Variants in TMEM108 observed in about 807,000 individuals in gnomAD.
TMEM108 encodes cancer/testis antigen 124.
Under a neutral mutation model 35.1 loss-of-function variants are expected in TMEM108, and 12 were observed. The ratio of observed to expected loss-of-function variants is 0.34; its 90% CI spans 0.22 to 0.55. TMEM108 has a LOEUF of 0.55. TMEM108 is among the 20% of genes least tolerant of loss of function. TMEM108 has a pLI of 0.89. For synonymous variants in TMEM108, 287 were observed against 308.6 expected, an observed-to-expected ratio of 0.93 and a Z score of 0.73; for missense variants, 680 against 753.3, an observed-to-expected ratio of 0.90 and a Z score of 1.14.
At chr3:133,328,881 G>A (rs1187897760) in intron 3 of TMEM108, among the ~76,000 whole-genome samples, 2 of 152,134 alleles carry the variant, frequency 1.3e-5, no homozygotes, top group Non-Finnish European at 2.9e-5. Context: ...TGGTTGGAAG[G>A]AATCAAGGAG....
intron 3 of TMEM108, among the ~76,000 whole-genome samples, chr3:133,309,313 C>T (rs989378975): frequency 2.6e-5 from 4 of 152,144 alleles, no homozygotes; most frequent in Non-Finnish European, 5.9e-5. Context: ...AAAAAACCAG[C>T]TCCTGGATTC....
chr3:133,059,673 T>C (rs1943514294), intron 2 of TMEM108, among the ~76,000 whole-genome samples: 1 of 152,260 alleles, frequency 6.6e-6, no homozygotes, highest in African/African-American at 2.4e-5. Flanking sequence ...GTTAGGCTCA[T>C]AATTGGGAAG....
At chr3:133,291,567 C>A (rs989876067) in intron 3 of TMEM108, among the ~76,000 whole-genome samples, 4 of 149,972 alleles carry the variant, frequency 2.7e-5, no homozygotes, top group Non-Finnish European at 5.9e-5. Context: ...CGTGAGCCAG[C>A]ACACCAGGCC....
chr3:133,106,487 A>G (rs1944154871), intron 2 of TMEM108, among the ~76,000 whole-genome samples: 1 of 152,150 alleles, frequency 6.6e-6, no homozygotes, highest in Non-Finnish European at 1.5e-5. Context: ...ATGTAGAGCT[A>G]GCCTCCAGGG....
In TMEM108 at chr3:133,093,949, C is replaced by G. The variant is rs1371814878; in HGVS notation, c.-47+47929C>G. 2.0e-5 allele frequency among the ~76,000 whole-genome samples: 3 copies of G among 152,176 alleles called. No individual in the cohort carries two copies. The East Asian group carries it at 5.8e-4, about 29-fold the overall frequency. On this transcript the variant is annotated intron_variant, in intron 2 of 5. Coordinates refer to ENST00000321871, the MANE Select transcript of TMEM108 (RefSeq NM_023943.4). ...AACCTGCCACTTGCATTTATAACATCAGTCATGACAGTTAGGTGTGTTGAC... is the reference window on the plus strand; with the variant it reads ...AACCTGCCACTTGCATTTATAACATGAGTCATGACAGTTAGGTGTGTTGAC...
At chr3:133,176,640 C>T (rs1431783384) in intron 2 of TMEM108, among the ~76,000 whole-genome samples, 1 of 149,752 alleles carries the variant, frequency 6.7e-6, no homozygotes, top group Non-Finnish European at 1.5e-5. Context: ...ACACAACATA[C>T]CAGAATCTCT....
chr3:133,275,675 AG>A (rs1559889567), intron 3 of TMEM108, among the ~76,000 whole-genome samples: 1 of 152,202 alleles, frequency 6.6e-6, no homozygotes, highest in Admixed American at 6.5e-5. Context: ...TTAATACCCC[AG>A]GGGGATCTGG....
At chr3:133,064,915 C>G (rs1481377683) in intron 2 of TMEM108, among the ~76,000 whole-genome samples, 1 of 152,100 alleles carries the variant, frequency 6.6e-6, no homozygotes, top group Non-Finnish European at 1.5e-5. Flanking sequence ...CCAACCAGAA[C>G]TTTACACTGA....
At chr3:133,102,631 G>A (rs6797320) in intron 2 of TMEM108, among the ~76,000 whole-genome samples, 51,162 of 152,078 alleles carry the variant, frequency 0.34, 8,732 homozygotes, top group Admixed American at 0.41. Flanking sequence ...CTTGGCTCTT[G>A]GAAAATATTG....
intron 3 of TMEM108, among the ~76,000 whole-genome samples, chr3:133,370,663 C>G (rs1334596659): frequency 2.0e-5 from 3 of 152,074 alleles, no homozygotes; most frequent in Admixed American, 1.3e-4. Flanking sequence ...CTGAGTTGAC[C>G]TTTTCATCCA....
At chr3:133,370,400 G>A (rs1444047031) in intron 3 of TMEM108, among the ~76,000 whole-genome samples, 2 of 152,118 alleles carry the variant, frequency 1.3e-5, no homozygotes, top group Admixed American at 6.5e-5. Flanking sequence ...AAACTACAGA[G>A]ATAAAGCACC....
chr3:133,384,881 A>T (rs970769735), intron 4 of TMEM108, among the ~76,000 whole-genome samples: 1 of 152,208 alleles, frequency 6.6e-6, no homozygotes, highest in Non-Finnish European at 1.5e-5. Flanking sequence ...AGAAAAATAG[A>T]CTAGCTGCAG....
chr3:133,334,210 G>A (rs1168962453), intron 3 of TMEM108, among the ~76,000 whole-genome samples: 2 of 152,070 alleles, frequency 1.3e-5, no homozygotes, highest in African/African-American at 4.8e-5. Flanking sequence ...TTAATTTGAC[G>A]AATATTCCTA....
intron 3 of TMEM108, among the ~76,000 whole-genome samples, chr3:133,243,645 C>G (rs554094576): frequency 6.6e-6 from 1 of 151,910 alleles, no homozygotes; most frequent in East Asian, 1.9e-4. Flanking sequence ...CTCAGCCTCT[C>G]GAGTAGCTGG....
chr3:133,296,325 G>A (rs1349976391), intron 3 of TMEM108, among the ~76,000 whole-genome samples: 2 of 152,042 alleles, frequency 1.3e-5, no homozygotes, highest in African/African-American at 4.8e-5. Context: ...GCTTTTTTGA[G>A]TTCATTAAAT....
intron 2 of TMEM108, among the ~76,000 whole-genome samples, chr3:133,228,511 T>A (rs1196072725): frequency 9.2e-5 from 14 of 152,176 alleles, no homozygotes; most frequent in Admixed American, 9.2e-4. Context: ...GTGTTTCCAT[T>A]TCTAGGAATT....
chr3:133,055,515 A>C (rs1576294463), intron 2 of TMEM108, among the ~76,000 whole-genome samples: 1 of 152,152 alleles, frequency 6.6e-6, no homozygotes. Flanking sequence ...GCTACTCCCC[A>C]TGAGGTTCCT....
chr3:133,154,677 C>G (rs1205775668), intron 2 of TMEM108, among the ~76,000 whole-genome samples: 3 of 150,866 alleles, frequency 2.0e-5, no homozygotes, highest in Non-Finnish European at 4.4e-5. Context: ...CACATGGACA[C>G]AGGAAGGGGA....
chr3:133,166,496 G>T (rs1195811817), intron 2 of TMEM108, among the ~76,000 whole-genome samples: 1 of 152,208 alleles, frequency 6.6e-6, no homozygotes, highest in African/African-American at 2.4e-5. Context: ...TCCGGAGTTT[G>T]TTCCTTCTGA....
Sources: gnomAD v4.1 joint callset for allele counts (sites outside exome capture counted in the v4.1 genomes callset) on GRCh38, gnomAD v4.1.1 for gene constraint, MANE v1.5 for transcripts, NCBI Gene and HGNC (gene_info 2026-07-23, HGNC 2026-07-21) for gene names.